PPP1R12B: variants seen among roughly 807,000 people sequenced by gnomAD.
PPP1R12B encodes the protein protein phosphatase 1 regulatory subunit 12B.
A neutral mutation model predicts 126.1 loss-of-function variants in PPP1R12B; 76 were observed. The observed-to-expected ratio is 0.60, with a 90% CI of 0.50 to 0.73. The LOEUF is 0.73. Ranked by LOEUF, PPP1R12B falls within the 30% of genes least tolerant of loss-of-function variation. The pLI is 0.00. For synonymous variants in PPP1R12B, 356 were observed against 434.7 expected, an observed-to-expected ratio of 0.82 and a Z score of 2.25; for missense variants, 1,052 against 1,205.1, an observed-to-expected ratio of 0.87 and a Z score of 1.88.
At chr1:202,369,843 T>A (rs1385831340) in intron 1 of PPP1R12B, 1 of 154,558 alleles carries the variant, frequency 6.5e-6, no homozygotes, top group Non-Finnish European at 1.4e-5. Context: ...TCATCCAGGC[T>A]GGAGTGCAGT....
At chr1:202,493,908 G>A (rs1355058922) in intron 15 of PPP1R12B, among the ~76,000 whole-genome samples, 1 of 152,206 alleles carries the variant, frequency 6.6e-6, no homozygotes, top group African/African-American at 2.4e-5. Flanking sequence ...GCACTCTTGA[G>A]TGTCACTGTT....
intron 1 of PPP1R12B, among the ~76,000 whole-genome samples, chr1:202,388,505 C>T (rs1663546341): frequency 6.6e-6 from 1 of 152,028 alleles, no homozygotes; most frequent in African/African-American, 2.4e-5. Flanking sequence ...CACGCCCAGC[C>T]TATAAAACTT....
intron 4 of PPP1R12B, 90 bp downstream of exon 4, chr1:202,425,815 T>C (rs1669430710): frequency 6.2e-6 from 8 of 1,290,996 alleles, no homozygotes; most frequent in Non-Finnish European, 8.6e-6. Flanking sequence ...TTTTCCGCTA[T>C]GACGTGTTTC....
chr1:202,567,559 C>G (rs922850686), intron 21 of PPP1R12B: 2 of 542,748 alleles, frequency 3.7e-6, no homozygotes, highest in Non-Finnish European at 6.5e-6. Flanking sequence ...CTACTACTGC[C>G]TTCCCCTCCC....
chr1:202,380,479 T>C (rs1662067287), intron 1 of PPP1R12B, among the ~76,000 whole-genome samples: 1 of 152,214 alleles, frequency 6.6e-6, no homozygotes, highest in South Asian at 2.1e-4. Context: ...ACAATTTCTG[T>C]GAACATGATT....
In PPP1R12B at chr1:202,449,977, CTCCCGGCTGTCG is replaced by C. The variant is rs781479528; in HGVS notation, c.1850+808_1850+819del. Among the ~76,000 whole-genome samples, 6 of 152,326 alleles carry C rather than the reference CTCCCGGCTGTCG, an allele frequency of 3.9e-5. No individual in the cohort carries two copies. In the South Asian group the frequency reaches 6.2e-4, roughly 16 times the overall value. ...CTGGGATTACAGGCGTGAGCCACCG[CTCCCGGCTGTCG>C]TTATGGATTTAAGCATATCTTTTTT... On this transcript the variant is annotated intron_variant, in intron 13 of 23. Coordinates refer to ENST00000608999, the MANE Select transcript of PPP1R12B (RefSeq NM_002481.4).
At chr1:202,533,423 T>A (rs2148944803) in intron 18 of PPP1R12B, among the ~76,000 whole-genome samples, 1 of 152,330 alleles carries the variant, frequency 6.6e-6, no homozygotes, top group East Asian at 1.9e-4. Flanking sequence ...CTTGAGTAGC[T>A]GGGACTACGG....
chr1:202,572,137 A>G (rs1019119304), intron 23 of PPP1R12B, among the ~76,000 whole-genome samples: 1 of 152,200 alleles, frequency 6.6e-6, no homozygotes, highest in Admixed American at 6.5e-5. Flanking sequence ...CAACATTGCT[A>G]GAGTGATTAA....
intron 18 of PPP1R12B, among the ~76,000 whole-genome samples, chr1:202,511,827 A>G (rs1340454136): frequency 5.4e-5 from 7 of 129,362 alleles, no homozygotes; most frequent in Non-Finnish European, 7.7e-5. Context: ...GCCAGGCTGG[A>G]GTGCAATGAC....
chr1:202,383,888 C>A (rs765800301), intron 1 of PPP1R12B, among the ~76,000 whole-genome samples: 28 of 152,172 alleles, frequency 1.8e-4, no homozygotes, highest in East Asian at 5.8e-4. Context: ...AAATTTATTT[C>A]TTTTCTTACT....
At chr1:202,409,347 G>T (rs924344069) in intron 1 of PPP1R12B, among the ~76,000 whole-genome samples, 2 of 149,272 alleles carry the variant, frequency 1.3e-5, no homozygotes, top group East Asian at 4.0e-4. Flanking sequence ...TTTTGAGATG[G>T]AGTCTTGCTC....
intron 10 of PPP1R12B, chr1:202,438,365 C>G: frequency 1.2e-6 from 1 of 849,476 alleles, no homozygotes; most frequent in Non-Finnish European, 1.8e-6. Context: ...GGTCCTGGAT[C>G]CAGAGGGCCA....
intron 12 of PPP1R12B, among the ~76,000 whole-genome samples, chr1:202,443,781 C>A (rs1036797996): frequency 6.6e-6 from 1 of 152,190 alleles, no homozygotes; most frequent in Admixed American, 6.5e-5. Context: ...GAGAAAGCTG[C>A]CATTTAATTT....
At position 202,361,647 on chromosome 1, in the gene PPP1R12B, T is replaced by C. The variant is rs1285620841; in HGVS notation, c.291+12505T>C. ...TATCATTCCCCTTATTTTGAAATAT[T>C]GTTCAGAATTCCAGTTCAGTAATAT... On this transcript the variant is annotated intron_variant, in intron 1 of 23. Coordinates refer to ENST00000608999, the MANE Select transcript of PPP1R12B (RefSeq NM_002481.4). 2.6e-5 allele frequency among the ~76,000 whole-genome samples: 4 copies of C among 152,178 alleles called. No individual in the cohort carries two copies. In the East Asian group the frequency reaches 7.7e-4, roughly 29 times the overall value.
At chr1:202,557,897 G>A (rs1687121455) in intron 18 of PPP1R12B, among the ~76,000 whole-genome samples, 2 of 152,244 alleles carry the variant, frequency 1.3e-5, no homozygotes, top group Middle Eastern at 3.4e-3. Context: ...TGGTGTGTTG[G>A]GTTGTCCTGC....
At position 202,580,949 on chromosome 1, in the gene PPP1R12B, T is replaced by G. The variant is rs1264595114; in HGVS notation, c.*389T>G. The stretch of plus-strand genomic sequence containing the variant: ...ATCAGTATCCTTCAGCTTTTTACAT[T>G]AACCCAGTGTCCTCTGATATAGGTG... On this transcript the variant is annotated 3_prime_UTR_variant, in exon 24 of 24. Coordinates refer to ENST00000608999, the MANE Select transcript of PPP1R12B (RefSeq NM_002481.4). 1 of 188,622 alleles carries G rather than the reference T, an allele frequency of 5.3e-6. No individual in the cohort carries two copies. The highest frequency in any genetic ancestry group is 1.1e-5 in the Non-Finnish European group (1 of 88,016). 11.7% of individuals were successfully genotyped at this position (188,622 alleles called of 1,614,324 possible). A position where few individuals can be genotyped will look rare whatever the true frequency, so the allele number is the denominator to read the frequency against.
chr1:202,488,657 G>T, intron 14 of PPP1R12B, 34 bp downstream of exon 14: 2 of 1,491,592 alleles, frequency 1.3e-6, no homozygotes, highest in Non-Finnish European at 1.9e-6. Flanking sequence ...GTCATTTTGT[G>T]TATCTACCCT....
At chr1:202,402,074 G>A (rs919959186) in intron 1 of PPP1R12B, among the ~76,000 whole-genome samples, 5 of 152,292 alleles carry the variant, frequency 3.3e-5, no homozygotes, top group East Asian at 3.9e-4. Context: ...GACAGGGGGC[G>A]TTTCTCATTT....
intron 18 of PPP1R12B, among the ~76,000 whole-genome samples, 192 bp downstream of exon 18, chr1:202,497,014 T>A (rs1010426670): frequency 1.3e-5 from 2 of 152,232 alleles, no homozygotes; most frequent in Non-Finnish European, 2.9e-5. Context: ...ACAGTGCCTG[T>A]GCTCTTGAAG....
Sources: gnomAD v4.1 joint callset for allele counts (sites outside exome capture counted in the v4.1 genomes callset) on GRCh38, gnomAD v4.1.1 for gene constraint, MANE v1.5 for transcripts, NCBI Gene and HGNC (gene_info 2026-07-23, HGNC 2026-07-21) for gene names.